Variants in MMP15 observed in about 807,000 individuals in gnomAD.
The protein encoded by MMP15 is matrix metallopeptidase 15.
In MMP15, 36 loss-of-function variants were observed where a neutral mutation model predicts 65.0. That is an observed-to-expected ratio of 0.55 (90% CI 0.42 to 0.73). MMP15 has a LOEUF of 0.73. Among genes scored for constraint, MMP15 ranks in the 30% least tolerant of loss-of-function variants. The probability of loss-of-function intolerance (pLI) is 0.00; values close to 1 mark genes in which losing one functional copy is unlikely to be tolerated. For synonymous variants in MMP15, 428 were observed against 410.2 expected, an observed-to-expected ratio of 1.04 and a Z score of -0.52; for missense variants, 870 against 987.8, an observed-to-expected ratio of 0.88 and a Z score of 1.60.
chr16:58,041,734 A>G lies in MMP15; in HGVS notation c.1028A>G (p.Lys343Arg). The G allele has an allele frequency of 6.3e-7, 1 of 1,594,258 alleles. No homozygotes were observed. The highest frequency in any genetic ancestry group is 8.5e-7 in the Non-Finnish European group (1 of 1,170,152). ...CCCCAGCCACCACCCCCAGGTGGGA[A>G]GCCAGAGCGGCCCCCAAAGCCGGGC... ...RPPQPPPPGG[K>R]PERPPKPGPP... is the part of the protein sequence containing the mutation. The change falls in exon 6 of 10, where the codon AAG (lysine) becomes AGG (arginine). Residue 343 changes from lysine (K) to arginine (R), a missense_variant. Lys to Arg is a conservative substitution (Grantham distance 26). Coordinates refer to ENST00000219271, the MANE Select transcript of MMP15 (RefSeq NM_002428.4).
At chr16:58,034,581 G>A (rs1218952074) in intron 1 of MMP15, among the ~76,000 whole-genome samples, 5 of 152,124 alleles carry the variant, frequency 3.3e-5, no homozygotes, top group Non-Finnish European at 5.9e-5. Flanking sequence ...TGCCAGCTTC[G>A]CCTTGTTATC....
chr16:58,042,534 G>A (rs900876532), intron 7 of MMP15, among the ~76,000 whole-genome samples, 165 bp downstream of exon 7: 2 of 152,194 alleles, frequency 1.3e-5, no homozygotes, highest in African/African-American at 2.4e-5. Context: ...AAGGCAGGAC[G>A]GGAGGAAGAT....
At chr16:58,042,741 C>T (rs942452930) in intron 7 of MMP15, among the ~76,000 whole-genome samples, 2 of 152,334 alleles carry the variant, frequency 1.3e-5, no homozygotes, top group South Asian at 2.1e-4. Flanking sequence ...TGCAGGGCAG[C>T]GCCCCGTGAT....
chr16:58,026,744 T>A (rs1473875646), intron 1 of MMP15, among the ~76,000 whole-genome samples: 1 of 152,196 alleles, frequency 6.6e-6, no homozygotes, highest in Non-Finnish European at 1.5e-5. Flanking sequence ...CCGCTACTCC[T>A]ACAGCCCTGT....
chr16:58,043,276 A>T lies in MMP15; in HGVS notation c.1370A>T (p.Tyr457Phe). Reference protein sequence around the residue: ...EPGYPQPLTSYGLGIPYDRID... With the variant: ...EPGYPQPLTSFGLGIPYDRID... ...GGCTACCCACAGCCGCTGACCAGCT[A>T]TGGCCTGGGCATCCCCTATGACCGC... The change falls in exon 8 of 10, where the codon TAT becomes TTT. Residue 457 changes from tyrosine (Y) to phenylalanine (F), a missense_variant. Tyr to Phe is a conservative substitution (Grantham distance 22, BLOSUM62 3). Coordinates refer to ENST00000219271, the MANE Select transcript of MMP15 (RefSeq NM_002428.4). The T allele has an allele frequency of 6.2e-7, 1 of 1,602,794 alleles. No homozygotes were observed. Among genetic ancestry groups the T allele is most frequent in the Non-Finnish European group, 8.5e-7 (1 of 1,174,094 alleles).
At chr16:58,028,159 ACT>A (rs887628548) in intron 1 of MMP15, among the ~76,000 whole-genome samples, 2 of 151,664 alleles carry the variant, frequency 1.3e-5, no homozygotes, top group South Asian at 4.2e-4. Context: ...GAGGGGCTTC[ACT>A]CTCTCTCTCT....
intron 7 of MMP15, 144 bp from the exon 8 acceptor site, chr16:58,043,066 A>T (rs1335425956): frequency 1.3e-6 from 1 of 761,576 alleles, no homozygotes; most frequent in Non-Finnish European, 2.0e-6. Flanking sequence ...GCAGCATGTG[A>T]TGTGCGGGTG....
At chr16:58,041,988 G>A in intron 6 of MMP15, 118 bp downstream of exon 6, 2 of 1,294,076 alleles carry the variant, frequency 1.5e-6, no homozygotes, top group Non-Finnish European at 2.1e-6. Flanking sequence ...TCTAGATGGG[G>A]AGGAATCCAG....
In MMP15 at chr16:58,041,787, C is replaced by T. The variant is rs773394391; in HGVS notation, c.1081C>T (p.Arg361Trp). The change falls in exon 6 of 10, where the codon CGG becomes TGG. Residue 361 changes from arginine to tryptophan, a missense_variant. Physicochemically the swap from Arg to Trp is moderately radical, Grantham distance 101. Coordinates refer to ENST00000219271, the MANE Select transcript of MMP15 (RefSeq NM_002428.4). ...CCCAGTCCAGCCCCGAGCCACAGAGCGGCCCGACCAGTATGGCCCCAACAT... is the reference window on the plus strand; with the variant it reads ...CCCAGTCCAGCCCCGAGCCACAGAGTGGCCCGACCAGTATGGCCCCAACAT... ...GPPVQPRATE[R>W]PDQYGPNICD... is the part of the protein sequence containing the mutation. The T allele has an allele frequency of 7.4e-6, 12 of 1,611,138 alleles. No homozygotes were observed. In the East Asian group the frequency reaches 1.6e-4, roughly 21 times the overall value.
chr16:58,036,491 G>A (rs535435636), intron 1 of MMP15, among the ~76,000 whole-genome samples: 3 of 152,302 alleles, frequency 2.0e-5, no homozygotes, highest in South Asian at 2.1e-4. Context: ...GGTGGGTGGT[G>A]GATGGATGAG....
chr16:58,041,900 G>C, intron 6 of MMP15, 30 bp downstream of exon 6: 1 of 1,544,600 alleles, frequency 6.5e-7, no homozygotes, highest in Non-Finnish European at 8.7e-7. Flanking sequence ...GCCTGGCCCT[G>C]AGCCTTTTCC....
chr16:58,042,877 G>A (rs1226757251), intron 7 of MMP15, among the ~76,000 whole-genome samples: 1 of 152,174 alleles, frequency 6.6e-6, no homozygotes, highest in Non-Finnish European at 1.5e-5. Context: ...CTGCAGGTGT[G>A]CTCCAGGGAC....
Position 58,026,433 on chromosome 16 carries a change from G to A in MMP15, c.83G>A (p.Arg28Gln). 6.9e-7 allele frequency: 1 copy of A among 1,449,980 alleles called. No individual in the cohort carries two copies. 89.8% of individuals were successfully genotyped at this position (1,449,980 alleles called of 1,614,324 possible). Reference sequence around the variant, plus strand: ...GACCGGGAGGAGGCGGCGCGGCCGCGACTGCTGCCGCTGCTCCTGGTGCTT... The same window carrying A: ...GACCGGGAGGAGGCGGCGCGGCCGCAACTGCTGCCGCTGCTCCTGGTGCTT... ...LGDREEAARP[R>Q]LLPLLLVLLG... Residue 28 changes from arginine to glutamine, a missense_variant, in exon 1 of 10, where the codon CGA becomes CAA. Physicochemically the swap from Arg to Gln is conservative, Grantham distance 43. Transcript: ENST00000219271.
intron 8 of MMP15, 69 bp downstream of exon 8, chr16:58,043,429 C>T: frequency 6.3e-7 from 1 of 1,593,586 alleles, no homozygotes; most frequent in Non-Finnish European, 8.6e-7. Context: ...CAGGCCTACC[C>T]AGAAAGAATC....
chr16:58,031,409 C>T (rs1046885008), intron 1 of MMP15, among the ~76,000 whole-genome samples: 1 of 152,204 alleles, frequency 6.6e-6, no homozygotes, highest in African/African-American at 2.4e-5. Context: ...GCCTTGCCCC[C>T]ATCTGTCCAG....
rs543011167 is a variant in MMP15 at position 58,039,928 on chromosome 16, G to T, written c.494G>T (p.Arg165Leu). 6.2e-7 allele frequency: 1 copy of T among 1,612,466 alleles called. No homozygotes were observed. The highest frequency in any genetic ancestry group is 8.5e-7 in the Non-Finnish European group (1 of 1,179,106). Residue 165 changes from arginine (R) to leucine (L), a missense_variant, in exon 4 of 10, where the codon CGC becomes CTC. By Grantham distance (102) the Arg-to-Leu change is moderately radical. Coordinates refer to ENST00000219271, the MANE Select transcript of MMP15 (RefSeq NM_002428.4). Reference protein sequence around the residue: ...LGWYHSMEAVRRAFRVWEQAT... With the variant: ...LGWYHSMEAVLRAFRVWEQAT... ...TGGTACCACTCGATGGAGGCGGTGCGCAGGGCCTTCCGCGTGTGGGAGCAG... is the reference window on the plus strand; with the variant it reads ...TGGTACCACTCGATGGAGGCGGTGCTCAGGGCCTTCCGCGTGTGGGAGCAG...
intron 1 of MMP15, among the ~76,000 whole-genome samples, chr16:58,032,628 C>G (rs950767493): frequency 6.6e-6 from 1 of 152,248 alleles, no homozygotes; most frequent in Non-Finnish European, 1.5e-5. Flanking sequence ...CTTCTGCAAG[C>G]TCCCTGGCTC....
rs747308827 is a variant in MMP15, at chr16:58,038,306, G to A, written c.352G>A (p.Gly118Arg). The change falls in exon 3 of 10, where the codon GGG becomes AGG. Residue 118 changes from glycine to arginine, a missense_variant. Coordinates refer to ENST00000219271, the MANE Select transcript of MMP15 (RefSeq NM_002428.4). ...CCGCTGTGGGGTGCCAGACCAGTTC[G>A]GGGTACGAGTGAAAGCCAACCTGCG... is the stretch of plus-strand genomic sequence containing the variant. Reference protein sequence around the residue: ...RPRCGVPDQFGVRVKANLRRR... With the variant: ...RPRCGVPDQFRVRVKANLRRR... The A allele has an allele frequency of 4.3e-6, 7 of 1,614,046 alleles. No individual in the cohort carries two copies. The highest frequency in any genetic ancestry group is 5.1e-6 in the Non-Finnish European group (6 of 1,180,022).
intron 1 of MMP15, among the ~76,000 whole-genome samples, chr16:58,031,853 CTTTTTTTTTTTTTTTTTT>C (rs749779284): frequency 1.7e-5 from 1 of 57,746 alleles, no homozygotes; most frequent in Non-Finnish European, 2.9e-5. Context: ...TCGATGCCGC[CTTTTTTTTTTTTTTTTTT>C]TTTTTTTTTT....
Sources: allele counts gnomAD v4.1 joint callset (sites outside exome capture counted in the v4.1 genomes callset), GRCh38; gene constraint gnomAD v4.1.1; transcripts MANE v1.5; gene names NCBI Gene and HGNC (gene_info 2026-07-23, HGNC 2026-07-21).